MACROD2: variants seen among roughly 807,000 people sequenced by gnomAD.
MACROD2 encodes the protein ADP-ribose glycohydrolase MACROD2.
A neutral mutation model predicts 70.4 loss-of-function variants in MACROD2; 36 were observed. That is an observed-to-expected ratio of 0.51 (90% CI 0.39 to 0.68). The LOEUF is 0.68. MACROD2 is among the 30% of genes least tolerant of loss of function. The pLI, the probability that MACROD2 is intolerant of heterozygous loss-of-function variation, is 0.00. For missense variants in MACROD2, 496 were observed against 538.4 expected, an observed-to-expected ratio of 0.92 and a Z score of 0.78; for synonymous variants, 172 against 178.8, an observed-to-expected ratio of 0.96 and a Z score of 0.30.
intron 6 of MACROD2, among the ~76,000 whole-genome samples, chr20:15,335,255 C>T (rs976203209): frequency 2.6e-5 from 4 of 151,802 alleles, no homozygotes; most frequent in African/African-American, 9.7e-5. Context: ...TTTTGCTTCA[C>T]TCTTCTCTCA....
At chr20:15,098,900 T>C (rs1445205149) in intron 5 of MACROD2, among the ~76,000 whole-genome samples, 1 of 152,222 alleles carries the variant, frequency 6.6e-6, no homozygotes, top group Non-Finnish European at 1.5e-5. Context: ...ATTTTCTCCG[T>C]AGAAAATTGC....
chr20:15,829,342 A>G (rs1178054647), intron 8 of MACROD2, among the ~76,000 whole-genome samples: 1 of 152,166 alleles, frequency 6.6e-6, no homozygotes, highest in Non-Finnish European at 1.5e-5. Flanking sequence ...AGTAGAACAC[A>G]TCGTATTCCG....
At chr20:14,552,373 A>G (rs1978716737) in intron 4 of MACROD2, among the ~76,000 whole-genome samples, 1 of 150,862 alleles carries the variant, frequency 6.6e-6, no homozygotes. Context: ...TCTTTCTCAG[A>G]AAAGTAGCAA....
At chr20:15,523,707 T>C (rs780396437) in intron 8 of MACROD2, among the ~76,000 whole-genome samples, 1 of 152,184 alleles carries the variant, frequency 6.6e-6, no homozygotes, top group African/African-American at 2.4e-5. Context: ...TGGTTTAGAA[T>C]AGACTGGGGG....
intron 6 of MACROD2, among the ~76,000 whole-genome samples, chr20:15,233,294 G>T (rs1312850176): frequency 1.3e-5 from 2 of 152,078 alleles, no homozygotes; most frequent in Non-Finnish European, 2.9e-5. Context: ...TACTTTTCAT[G>T]TTGACAGGAT....
intron 10 of MACROD2, among the ~76,000 whole-genome samples, chr20:15,907,395 T>C (rs1484808797): frequency 6.6e-6 from 1 of 152,204 alleles, no homozygotes; most frequent in Non-Finnish European, 1.5e-5. Context: ...TGTCCAACTT[T>C]GGTTAAGTTT....
chr20:14,972,914 C>T (rs1003958201), intron 5 of MACROD2, among the ~76,000 whole-genome samples: 19 of 152,156 alleles, frequency 1.2e-4, no homozygotes, highest in African/African-American at 9.7e-5. Flanking sequence ...GCCAGAAACT[C>T]GCTGTTATCC....
chr20:15,259,528 A>G (rs1296844586), intron 6 of MACROD2, among the ~76,000 whole-genome samples: 1 of 152,048 alleles, frequency 6.6e-6, no homozygotes, highest in African/African-American at 2.4e-5. Flanking sequence ...TTTAAGTTAG[A>G]AAATCAGATC....
At chr20:15,103,041 T>C (rs378650) in intron 5 of MACROD2, among the ~76,000 whole-genome samples, 50,715 of 152,098 alleles carry the variant, frequency 0.33, 10,467 homozygotes, top group Non-Finnish European at 0.46. Flanking sequence ...AATATGTACT[T>C]ATACATGGGA....
chr20:14,420,997 A>G (rs529552378), intron 3 of MACROD2, among the ~76,000 whole-genome samples: 2 of 152,334 alleles, frequency 1.3e-5, no homozygotes, highest in South Asian at 4.1e-4. Context: ...CCAGCCTTGA[A>G]AGTGTTCTTT....
In MACROD2 at chr20:14,068,250, T is replaced by A. The variant is rs376873292; in HGVS notation, c.164-17371T>A. Reference sequence around the variant, plus strand: ...CTTGGATAAAAATCTTAGCAACAGATTATCCTCTCGCACCCCCCACCCCCC... The same window carrying A: ...CTTGGATAAAAATCTTAGCAACAGAATATCCTCTCGCACCCCCCACCCCCC... On this transcript the variant is annotated intron_variant, in intron 2 of 17. Transcript: ENST00000684519. Among the ~76,000 whole-genome samples, 11 of 152,200 alleles carry A rather than the reference T, an allele frequency of 7.2e-5. No individual in the cohort carries two copies. The East Asian group carries it at 1.5e-3, about 21-fold the overall frequency.
rs888320877 is a variant in MACROD2 at position 15,933,870 on chromosome 20, T to C, written c.838+532T>C. ...GAGCTCGAAGTAAGATCTAAACCCT[T>C]CCTGACATCCCCTCTGTTCACTAAA... On this transcript the variant is annotated intron_variant, in intron 11 of 17. Transcript: ENST00000684519. 8.7e-4 allele frequency among the ~76,000 whole-genome samples: 133 copies of C among 152,300 alleles called. 1 individual carries two copies. The highest frequency in any genetic ancestry group is 8.8e-5 in the Non-Finnish European group (6 of 68,018).
intron 5 of MACROD2, among the ~76,000 whole-genome samples, chr20:14,697,336 C>T (rs1374494822): frequency 6.6e-6 from 1 of 152,128 alleles, no homozygotes; most frequent in Non-Finnish European, 1.5e-5. Context: ...AAAATATATC[C>T]AACAAAATGG....
At chr20:15,600,322 TC>T (rs2146686572) in intron 8 of MACROD2, among the ~76,000 whole-genome samples, 1 of 152,302 alleles carries the variant, frequency 6.6e-6, no homozygotes, top group South Asian at 2.1e-4. Context: ...CCTTATTAAT[TC>T]ATTCATTTTT....
At chr20:15,289,565 A>G (rs2077523128) in intron 6 of MACROD2, among the ~76,000 whole-genome samples, 1 of 152,222 alleles carries the variant, frequency 6.6e-6, no homozygotes, top group Non-Finnish European at 1.5e-5. Flanking sequence ...ACCGTGAAGA[A>G]CAAGGAAGTG....
chr20:14,265,312 T>C (rs2082134967), intron 3 of MACROD2, among the ~76,000 whole-genome samples: 1 of 152,260 alleles, frequency 6.6e-6, no homozygotes, highest in Non-Finnish European at 1.5e-5. Context: ...TGATGGACTT[T>C]CTTATTTTCA....
intron 3 of MACROD2, among the ~76,000 whole-genome samples, chr20:14,376,751 A>AAATAAT (rs6147295): frequency 2.6e-3 from 348 of 135,852 alleles, no homozygotes; most frequent in East Asian, 3.9e-3. Context: ...GCCTGTCTCA[A>AAATAAT]AATAATAATA....
chr20:15,699,996 A>C (rs772941550), intron 8 of MACROD2, among the ~76,000 whole-genome samples: 6 of 152,106 alleles, frequency 3.9e-5, no homozygotes, highest in Non-Finnish European at 7.4e-5. Context: ...CTCCAGGTAA[A>C]GTCAGAAATT....
At chr20:15,667,241 T>A (rs1391930021) in intron 8 of MACROD2, among the ~76,000 whole-genome samples, 1 of 152,140 alleles carries the variant, frequency 6.6e-6, no homozygotes, top group African/African-American at 2.4e-5. Context: ...TCTTCCCCAC[T>A]TTCTCTCTTG....
Sources: allele counts gnomAD v4.1 joint callset (sites outside exome capture counted in the v4.1 genomes callset), GRCh38; gene constraint gnomAD v4.1.1; transcripts MANE v1.5; gene names NCBI Gene and HGNC (gene_info 2026-07-23, HGNC 2026-07-21).